Variants in KLHL13 observed in about 807,000 individuals in gnomAD.
The protein encoded by KLHL13 is kelch-like protein 13.
Under a neutral mutation model 37.1 loss-of-function variants are expected in KLHL13, and 10 were observed. That is an observed-to-expected ratio of 0.27 (90% confidence interval 0.17 to 0.46). KLHL13 has a LOEUF of 0.46. KLHL13 is among the 20% of genes least tolerant of loss of function. The probability of loss-of-function intolerance (pLI) is 1.00; values close to 1 mark genes in which losing one functional copy is unlikely to be tolerated. For missense variants in KLHL13, 360 were observed against 509.3 expected, an observed-to-expected ratio of 0.71 and a Z score of 2.82; for synonymous variants, 163 against 181.2, an observed-to-expected ratio of 0.90 and a Z score of 0.81.
chrX:117,963,510 T>C lies in KLHL13; in HGVS notation c.98+9221A>G, dbSNP rs764085410. 8.1e-5 allele frequency among the ~76,000 whole-genome samples: 9 copies of C among 110,479 alleles called. No individual in the cohort carries two copies. The South Asian group carries it at 2.0e-3, about 24-fold the overall frequency. ...TTTTCCAAGTCTTTGCTATTGTGAA[T>C]AGTGCCGCAATAAACATACGTGTGC... On this transcript the variant is annotated intron_variant, in intron 1 of 6. Coordinates refer to ENST00000262820, the Ensembl canonical transcript of KLHL13.
At chrX:118,005,361 C>T (rs949562777) in intron 1 of KLHL13, among the ~76,000 whole-genome samples, 1 of 111,661 alleles carries the variant, frequency 9.0e-6, no homozygotes, top group African/African-American at 3.3e-5. Context: ...TCTTAATACC[C>T]TCCAAAAGAA....
chrX:118,096,985 A>G (rs2055215859), intron 1 of KLHL13, among the ~76,000 whole-genome samples: 1 of 111,261 alleles, frequency 9.0e-6, no homozygotes, highest in African/African-American at 3.3e-5. Flanking sequence ...CTGAATGGGC[A>G]AAAACTGGAA....
intron 2 of KLHL13, among the ~76,000 whole-genome samples, chrX:117,925,784 T>C (rs758011202): frequency 1.8e-5 from 2 of 112,166 alleles, no homozygotes; most frequent in African/African-American, 3.2e-5. Context: ...AACGATCACA[T>C]TGGTGATAAA....
intron 1 of KLHL13, among the ~76,000 whole-genome samples, chrX:118,088,110 C>T (rs1447409066): frequency 1.8e-5 from 2 of 112,007 alleles, no homozygotes; most frequent in Non-Finnish European, 3.8e-5. Context: ...TTCTCTAACT[C>T]CTTTAAGAGT....
chrX:117,911,693 T>A (rs1233403014), intron 4 of KLHL13, among the ~76,000 whole-genome samples: 1 of 111,765 alleles, frequency 8.9e-6, no homozygotes. Context: ...AATGATGGTT[T>A]CCAGCTTCAT....
chrX:118,023,000 G>A (rs1055547260), intron 1 of KLHL13, among the ~76,000 whole-genome samples: 8 of 111,716 alleles, frequency 7.2e-5, no homozygotes, highest in African/African-American at 2.6e-4. Flanking sequence ...ACTTTCAGAA[G>A]CTTTATGATT....
At chrX:117,941,960 T>C (rs956799610) in intron 2 of KLHL13, among the ~76,000 whole-genome samples, 2 of 112,061 alleles carry the variant, frequency 1.8e-5, no homozygotes, top group Non-Finnish European at 3.8e-5. Flanking sequence ...CTTTCTCCTA[T>C]TGGGATTTAG....
rs201892422 is a variant in KLHL13, at chrX:118,026,178, G to A, written c.-55-80603C>T. ...CCCTTCCTACCTCAACCTTTCCTAC[G>A]TTTTCTGTTCATTTTACAACATGCC... On this transcript the variant is annotated intron_variant, in intron 1 of 6. Coordinates refer to the KLHL13 transcript ENST00000371882. Among the ~76,000 whole-genome samples the A allele has an allele frequency of 1.1e-4, 12 of 111,010 alleles. No homozygotes were observed. In the East Asian group the frequency reaches 2.2e-3, roughly 21 times the overall value.
chrX:118,025,983 T>C (rs2054271313), intron 1 of KLHL13, among the ~76,000 whole-genome samples: 1 of 111,791 alleles, frequency 8.9e-6, no homozygotes, highest in African/African-American at 3.2e-5. Flanking sequence ...TTCGGTACTA[T>C]CCTCAGTTTC....
In KLHL13 at chrX:117,929,778, CAAAAAAAAAAAAAA is replaced by C. The variant is rs761687127; in HGVS notation, c.241-9422_241-9409del. ...GCAATATAGTGAGACATCGTCTCTA[CAAAAAAAAAAAAAA>C]AAAAAAAAAAAACTTAAATTAAATT... On this transcript the variant is annotated intron_variant, in intron 2 of 6. Transcript: ENST00000262820. Among the ~76,000 whole-genome samples the C allele has an allele frequency of 2.6e-3, 64 of 25,029 alleles. No homozygotes were observed. The South Asian group carries it at 0.19, about 76-fold the overall frequency. The allele number at this position is 25,029 out of a possible 115,157, so 21.7% of individuals were successfully genotyped here.
At chrX:117,974,958 A>G (rs1299876539), upstream of KLHL13, among the ~76,000 whole-genome samples, 1 of 111,876 alleles carries the variant, frequency 8.9e-6, no homozygotes, top group Non-Finnish European at 1.9e-5. Flanking sequence ...GACTCACAGA[A>G]ATTGTCAAAT....
At chrX:117,935,233 G>A (rs1248991358) in intron 2 of KLHL13, among the ~76,000 whole-genome samples, 24 of 111,049 alleles carry the variant, frequency 2.2e-4, no homozygotes, top group Non-Finnish European at 1.7e-4. Flanking sequence ...ATCAATGAAT[G>A]GATACATAAA....
intron 1 of KLHL13, among the ~76,000 whole-genome samples, chrX:118,033,657 C>A (rs552519171): frequency 9.2e-6 from 1 of 108,882 alleles, no homozygotes; most frequent in Non-Finnish European, 1.9e-5. Flanking sequence ...TAAAGACCAT[C>A]GAGACTAGGA....
intron 5 of KLHL13, 42 bp downstream of exon 6, chrX:117,909,259 A>G: frequency 9.7e-7 from 1 of 1,028,522 alleles, no homozygotes; most frequent in Non-Finnish European, 1.3e-6. Context: ...AGAATTTCTG[A>G]GTGAAGAAAT....
chrX:118,043,712 T>C (rs2054529740), intron 1 of KLHL13, among the ~76,000 whole-genome samples: 1 of 111,214 alleles, frequency 9.0e-6, no homozygotes, highest in South Asian at 3.8e-4. Context: ...AAGAAAACCC[T>C]CAAAAACCTG....
chrX:117,935,576 C>T (rs1410114963), intron 2 of KLHL13, among the ~76,000 whole-genome samples: 3 of 111,783 alleles, frequency 2.7e-5, no homozygotes, highest in Non-Finnish European at 5.6e-5. Flanking sequence ...AGAAAACGTA[C>T]AACCATGGCG....
chrX:118,099,608 G>A (rs1458277707), intron 1 of KLHL13, among the ~76,000 whole-genome samples: 1 of 110,488 alleles, frequency 9.1e-6, no homozygotes, highest in African/African-American at 3.3e-5. Context: ...CCAGGAGTTC[G>A]AGACCAACCA....
intron 4 of KLHL13, chrX:117,914,245 T>C (rs1025764864): frequency 9.2e-6 from 1 of 109,116 alleles, no homozygotes; most frequent in African/African-American, 3.3e-5. Context: ...TTTTTTTTTT[T>C]CTGGCTAGCC....
chrX:118,010,341 A>T (rs752038225), intron 1 of KLHL13, among the ~76,000 whole-genome samples: 718 of 37,855 alleles, frequency 0.019, 7 homozygotes, highest in Middle Eastern at 0.031. Context: ...GAACCAACCC[A>T]AATGTCCAAC....
Sources: allele counts gnomAD v4.1 joint callset (sites outside exome capture counted in the v4.1 genomes callset), GRCh38; gene constraint gnomAD v4.1.1; transcripts MANE v1.5; gene names NCBI Gene and HGNC (gene_info 2026-07-23, HGNC 2026-07-21).